Variants in CSMD1 observed in about 807,000 individuals in gnomAD.
CSMD1 encodes CUB and Sushi multiple domains 1.
A neutral mutation model predicts 417.5 loss-of-function variants in CSMD1; 213 were observed. The observed-to-expected ratio is 0.51, with a 90% confidence interval of 0.46 to 0.57. The LOEUF (loss-of-function observed/expected upper bound fraction) is 0.57, where lower values mean the gene tolerates loss of function less well. CSMD1 is among the 20% of genes least tolerant of loss of function. CSMD1 has a pLI of 0.00. For missense variants in CSMD1, 6,923 were observed against 4,529.7 expected (o/e 1.53, Z -15.17); for synonymous variants, 2,862 against 1,736.8 (o/e 1.65, Z -16.11).
chr8:4,384,622 T>A (rs1030630585), intron 3 of CSMD1, among the ~76,000 whole-genome samples: 1 of 151,962 alleles, frequency 6.6e-6, no homozygotes, highest in African/African-American at 2.4e-5. Context: ...AATAGAAGAT[T>A]TTTTTTTGTT....
At chr8:4,648,835 T>C (rs555442970) in intron 1 of CSMD1, among the ~76,000 whole-genome samples, 4 of 152,136 alleles carry the variant, frequency 2.6e-5, no homozygotes, top group Non-Finnish European at 5.9e-5. Flanking sequence ...TGTGTGTTTA[T>C]AGTTGGTCGG....
At chr8:3,711,426 A>G (rs1801503715) in intron 6 of CSMD1, among the ~76,000 whole-genome samples, 1 of 152,170 alleles carries the variant, frequency 6.6e-6, no homozygotes, top group Non-Finnish European at 1.5e-5. Context: ...ACAGTCACCT[A>G]TCCCAGGCTC....
chr8:4,380,565 G>T (rs1187003023), intron 3 of CSMD1, among the ~76,000 whole-genome samples: 1 of 152,144 alleles, frequency 6.6e-6, no homozygotes, highest in African/African-American at 2.4e-5. Context: ...GTTTGGGATG[G>T]GACCCGTGGA....
intron 2 of CSMD1, among the ~76,000 whole-genome samples, chr8:4,617,107 G>C (rs1017197280): frequency 3.3e-5 from 5 of 151,694 alleles, no homozygotes; most frequent in African/African-American, 7.3e-5. Flanking sequence ...AAATGTTTTT[G>C]AAACATGTTT....
intron 2 of CSMD1, among the ~76,000 whole-genome samples, chr8:4,546,833 A>G (rs1797659717): frequency 6.6e-6 from 1 of 151,932 alleles, no homozygotes; most frequent in South Asian, 2.1e-4. Flanking sequence ...ATATTTGTAT[A>G]TAATACAACA....
chr8:3,232,790 C>T (rs1260308668), intron 26 of CSMD1, among the ~76,000 whole-genome samples: 4 of 151,994 alleles, frequency 2.6e-5, no homozygotes, highest in Admixed American at 1.3e-4. Context: ...TTTTTGCTTG[C>T]TTTCATACTA....
At chr8:2,968,666 C>T (rs1381616716) in intron 57 of CSMD1, among the ~76,000 whole-genome samples, 2 of 152,006 alleles carry the variant, frequency 1.3e-5, no homozygotes. Flanking sequence ...AACATATCCG[C>T]TTTTCTATCA....
chr8:2,963,649 A>G (rs1210111625), intron 59 of CSMD1, among the ~76,000 whole-genome samples: 1 of 152,228 alleles, frequency 6.6e-6, no homozygotes, highest in Non-Finnish European at 1.5e-5. Context: ...TGAACATGAC[A>G]TTCCCAATAT....
Position 3,298,181 on chromosome 8 carries a change from C to G in CSMD1, c.3950+9514G>C, listed in dbSNP as rs531096134. ...AACCACTTTGGAAAACTGATAGCAC[C>G]TAATACTGTGGAAGGTAGGATTCAC... On this transcript the variant is annotated intron_variant, in intron 25 of 69. Coordinates refer to ENST00000635120, the MANE Select transcript of CSMD1 (RefSeq NM_033225.6). Among the ~76,000 whole-genome samples the G allele has an allele frequency of 4.6e-5, 7 of 152,262 alleles. No homozygotes were observed. The South Asian group carries it at 1.5e-3, about 32-fold the overall frequency.
At chr8:4,331,129 C>G (rs1799847582) in intron 3 of CSMD1, among the ~76,000 whole-genome samples, 3 of 152,142 alleles carry the variant, frequency 2.0e-5, no homozygotes, top group South Asian at 2.1e-4. Context: ...TTTCCCGAAA[C>G]TAAACTACCG....
rs555546603 is a variant in CSMD1 at position 4,808,984 on chromosome 8, TG to T, written c.86-171427del. 3.3e-3 allele frequency among the ~76,000 whole-genome samples: 508 copies of T among 152,324 alleles called. 1 individual carries two copies. The highest frequency in any genetic ancestry group is 6.8e-3 in the Middle Eastern group (2 of 294). On this transcript the variant is annotated intron_variant, in intron 1 of 69. Coordinates refer to ENST00000635120, the MANE Select transcript of CSMD1 (RefSeq NM_033225.6). ...AGATCCAGAAAATCTTGTTTAAAAT[TG>T]GAGGACATTTTGCTCTTGATCTTAT... is the stretch of plus-strand genomic sequence containing the variant.
At chr8:3,727,088 G>A (rs998582978) in intron 6 of CSMD1, among the ~76,000 whole-genome samples, 1 of 152,036 alleles carries the variant, frequency 6.6e-6, no homozygotes, top group African/African-American at 2.4e-5. Flanking sequence ...GGCATTTAAT[G>A]TTACCCAACT....
intron 3 of CSMD1, among the ~76,000 whole-genome samples, chr8:4,206,603 G>A (rs552673999): frequency 1.3e-5 from 2 of 152,260 alleles, no homozygotes; most frequent in East Asian, 1.9e-4. Flanking sequence ...CATCTGGGTT[G>A]GTTCCAAGCT....
At chr8:4,478,274 G>A (rs1800907189) in intron 2 of CSMD1, among the ~76,000 whole-genome samples, 1 of 152,078 alleles carries the variant, frequency 6.6e-6, no homozygotes, top group Non-Finnish European at 1.5e-5. Flanking sequence ...TGCTCCTAAG[G>A]TTGAAAATAG....
chr8:4,676,093 T>C (rs913896861), intron 1 of CSMD1, among the ~76,000 whole-genome samples: 1 of 152,224 alleles, frequency 6.6e-6, no homozygotes, highest in East Asian at 1.9e-4. Context: ...ATCCCCCATA[T>C]TGCTGAGTGG....
intron 6 of CSMD1, among the ~76,000 whole-genome samples, chr8:3,708,917 C>T (rs954049452): frequency 6.6e-6 from 1 of 152,122 alleles, no homozygotes; most frequent in Non-Finnish European, 1.5e-5. Flanking sequence ...GTTGCTCATT[C>T]ATGTATTCAT....
chr8:4,737,984 G>A lies in CSMD1; in HGVS notation c.86-100426C>T, dbSNP rs192121501. 2.1e-4 allele frequency among the ~76,000 whole-genome samples: 32 copies of A among 152,300 alleles called. No individual in the cohort carries two copies. The East Asian group carries it at 3.9e-3, about 18-fold the overall frequency. ...GGTAACAGCCTGCCATTGAAGCAAA[G>A]TAATGATAGCATATCCTTTCTCCAC... is the stretch of plus-strand genomic sequence containing the variant. On this transcript the variant is annotated intron_variant, in intron 1 of 69. Coordinates refer to ENST00000635120, the MANE Select transcript of CSMD1 (RefSeq NM_033225.6).
At chr8:3,772,540 TAC>T (rs1239704859) in intron 5 of CSMD1, among the ~76,000 whole-genome samples, 1 of 60,686 alleles carries the variant, frequency 1.6e-5, no homozygotes, top group African/African-American at 4.3e-5. Flanking sequence ...TATACATATA[TAC>T]ACATATATAC....
At position 4,341,825 on chromosome 8, in the gene CSMD1, C is replaced by G. The variant is rs373874337; in HGVS notation, c.415+78128G>C. 5.9e-5 allele frequency among the ~76,000 whole-genome samples: 9 copies of G among 152,064 alleles called. 1 individual carries two copies. Among genetic ancestry groups the G allele is most frequent in the Non-Finnish European group, 5.9e-5 (4 of 67,992 alleles). On this transcript the variant is annotated intron_variant, in intron 3 of 69. Transcript: ENST00000635120. Reference sequence around the variant, plus strand: ...TGTTCACATGACTTAACGAGCACATCTGCATAATAACAGAAGGATGCTTCA... The same window carrying G: ...TGTTCACATGACTTAACGAGCACATGTGCATAATAACAGAAGGATGCTTCA...
Sources: gnomAD v4.1 joint callset for allele counts (sites outside exome capture counted in the v4.1 genomes callset) on GRCh38, gnomAD v4.1.1 for gene constraint, MANE v1.5 for transcripts, NCBI Gene and HGNC (gene_info 2026-07-23, HGNC 2026-07-21) for gene names.